PTPRT: variants seen among roughly 807,000 people sequenced by gnomAD.
PTPRT encodes the protein receptor-type tyrosine-protein phosphatase T.
A neutral mutation model predicts 176.8 loss-of-function variants in PTPRT; 56 were observed. The ratio of observed to expected loss-of-function variants is 0.32; its 90% confidence interval spans 0.26 to 0.40. The LOEUF (loss-of-function observed/expected upper bound fraction) is 0.40. Among genes scored for constraint, PTPRT ranks in the 10% least tolerant of loss-of-function variants. The probability of loss-of-function intolerance (pLI) is 1.00; values close to 1 mark genes in which losing one functional copy is unlikely to be tolerated. For missense variants in PTPRT, 1,540 were observed against 1,908.2 expected, an observed-to-expected ratio of 0.81 and a Z score of 3.60; for synonymous variants, 783 against 739.0, an observed-to-expected ratio of 1.06 and a Z score of -0.96.
intron 1 of PTPRT, among the ~76,000 whole-genome samples, chr20:43,183,551 T>C (rs1479816814): frequency 6.6e-6 from 1 of 152,224 alleles, no homozygotes; most frequent in Non-Finnish European, 1.5e-5. Flanking sequence ...ATTTCATCCA[T>C]CATCAGGGTA....
chr20:42,083,632 G>A (rs73119845), intron 29 of PTPRT, among the ~76,000 whole-genome samples: 3,864 of 152,206 alleles, frequency 0.025, 96 homozygotes, highest in Middle Eastern at 0.044. Flanking sequence ...AGAATAATTA[G>A]CTGGTTTTGA....
intron 27 of PTPRT, among the ~76,000 whole-genome samples, chr20:42,086,055 C>T (rs1600471607): frequency 6.6e-6 from 1 of 151,652 alleles, no homozygotes; most frequent in East Asian, 1.9e-4. Context: ...TCAAGTGATT[C>T]TCCTGCCTCA....
intron 16 of PTPRT, among the ~76,000 whole-genome samples, chr20:42,183,484 AG>A (rs1990606169): frequency 6.6e-6 from 1 of 152,356 alleles, no homozygotes; most frequent in Admixed American, 6.5e-5. Context: ...CAAAAGCTAT[AG>A]ATTTGTAAAA....
intron 7 of PTPRT, among the ~76,000 whole-genome samples, chr20:42,484,703 T>C (rs2071439181): frequency 6.6e-6 from 1 of 152,210 alleles, no homozygotes; most frequent in Non-Finnish European, 1.5e-5. Context: ...CAACACAGTT[T>C]GAAAACCAGG....
chr20:43,135,035 C>T lies in PTPRT; in HGVS notation c.88+54611G>A, dbSNP rs539203156. On this transcript the variant is annotated intron_variant, in intron 1 of 30. Coordinates refer to ENST00000373187, the MANE Select transcript of PTPRT (RefSeq NM_007050.6). Reference sequence around the variant, plus strand: ...ACTGTCTCCAGATAATATCAAATGTCCCCTGGGGAGGGAGTGCAAAACTGC... The same window carrying T: ...ACTGTCTCCAGATAATATCAAATGTTCCCTGGGGAGGGAGTGCAAAACTGC... 1.1e-4 allele frequency among the ~76,000 whole-genome samples: 17 copies of T among 152,300 alleles called. No individual in the cohort carries two copies. In the East Asian group the frequency reaches 3.3e-3, roughly 29 times the overall value.
chr20:42,540,523 G>A (rs1303297560), intron 7 of PTPRT, among the ~76,000 whole-genome samples: 1 of 152,190 alleles, frequency 6.6e-6, no homozygotes, highest in East Asian at 1.9e-4. Flanking sequence ...GGCACAGAGA[G>A]AGCACAACAC....
chr20:43,008,989 G>A (rs979837254), intron 1 of PTPRT, among the ~76,000 whole-genome samples: 2 of 152,132 alleles, frequency 1.3e-5, no homozygotes, highest in South Asian at 4.1e-4. Flanking sequence ...GCTTCCTTCT[G>A]GAAACATTCG....
At chr20:42,916,243 CT>C (rs1160615630) in intron 1 of PTPRT, among the ~76,000 whole-genome samples, 1 of 151,666 alleles carries the variant, frequency 6.6e-6, no homozygotes, top group African/African-American at 2.4e-5. Flanking sequence ...CGATAGTTTA[CT>C]GAGAATGATG....
intron 11 of PTPRT, among the ~76,000 whole-genome samples, chr20:42,327,158 G>A (rs1038621801): frequency 2.7e-5 from 4 of 150,410 alleles, no homozygotes; most frequent in East Asian, 2.0e-4. Flanking sequence ...AAAATTACAC[G>A]CAACATAAAT....
chr20:42,382,138 T>C lies in PTPRT; in HGVS notation c.1561-29853A>G, dbSNP rs144030209. On this transcript the variant is annotated intron_variant, in intron 9 of 30. Transcript: ENST00000373187. ...ACCCCATTTACATTAATTAGAAAGTTCCATATTAAGGAAAGCTTTTAATGG... is the reference window on the plus strand; with the variant it reads ...ACCCCATTTACATTAATTAGAAAGTCCCATATTAAGGAAAGCTTTTAATGG... Among the ~76,000 whole-genome samples the C allele has an allele frequency of 3.9e-3, 598 of 152,328 alleles. 6 individuals carry two copies. The highest frequency in any genetic ancestry group is 0.014 in the African/African-American group (566 of 41,570).
chr20:42,501,433 T>C (rs1185588838), intron 7 of PTPRT, among the ~76,000 whole-genome samples: 3 of 152,206 alleles, frequency 2.0e-5, no homozygotes, highest in African/African-American at 2.4e-5. Flanking sequence ...TGAAGATATA[T>C]ATGCATTTCT....
chr20:42,856,734 C>G (rs1196645958), intron 2 of PTPRT, among the ~76,000 whole-genome samples: 1 of 152,026 alleles, frequency 6.6e-6, no homozygotes, highest in African/African-American at 2.4e-5. Context: ...GGACCCTCAT[C>G]TAGTCATCGT....
chr20:42,775,007 G>T (rs541095890), intron 4 of PTPRT, among the ~76,000 whole-genome samples: 1 of 152,272 alleles, frequency 6.6e-6, no homozygotes, highest in East Asian at 1.9e-4. Context: ...CTCTGGGAGA[G>T]AACTTATATT....
rs1568650506 is a variant in PTPRT at position 42,182,906 on chromosome 20, G to GT, written c.2491+16333_2491+16334insA. On this transcript the variant is annotated intron_variant, in intron 16 of 30. Transcript: ENST00000373187. ...TAGTGACTGTTAATCCTACAAGCAGGGGTGTGTGTGTGTGTGTGTGTGTGT... is the reference window on the plus strand; with the variant it reads ...TAGTGACTGTTAATCCTACAAGCAGGTGGTGTGTGTGTGTGTGTGTGTGTGT... 8.4e-5 allele frequency among the ~76,000 whole-genome samples: 9 copies of GT among 107,432 alleles called. No individual in the cohort carries two copies. The South Asian group carries it at 1.3e-3, about 16-fold the overall frequency. 70.5% of individuals were successfully genotyped at this position (107,432 alleles called of 152,430 possible).
At chr20:43,019,979 G>A (rs1193371102) in intron 1 of PTPRT, among the ~76,000 whole-genome samples, 1 of 151,808 alleles carries the variant, frequency 6.6e-6, no homozygotes, top group Admixed American at 6.6e-5. Context: ...GCCTTCAGAC[G>A]TGGACCAATC....
intron 13 of PTPRT, among the ~76,000 whole-genome samples, chr20:42,257,650 C>CCTG (rs1555809821): frequency 1.1e-5 from 1 of 87,984 alleles, no homozygotes; most frequent in East Asian, 4.4e-4. Flanking sequence ...CCCACCCCCC[C>CCTG]CCCCCCGCCC....
intron 6 of PTPRT, among the ~76,000 whole-genome samples, chr20:42,734,359 G>A (rs2076506391): frequency 6.6e-6 from 1 of 152,140 alleles, no homozygotes. Context: ...TCACCAGCAG[G>A]AACCCAAGAG....
chr20:42,913,716 T>A (rs1408637774), intron 1 of PTPRT, among the ~76,000 whole-genome samples: 2 of 152,308 alleles, frequency 1.3e-5, no homozygotes, highest in Admixed American at 1.3e-4. Context: ...TCTATGCCAA[T>A]ATTTCTAATT....
chr20:42,080,626 C>T lies in PTPRT; in HGVS notation c.*253G>A. ...CAAGGCCTTGCTTGTGGGTGTACTT[C>T]TGCTTGGGCCCTTGGCTGTGGCTGG... On this transcript the variant is annotated 3_prime_UTR_variant, in exon 31 of 31. Transcript: ENST00000373187. 2.7e-6 allele frequency: 1 copy of T among 363,696 alleles called. No individual in the cohort carries two copies. The highest frequency in any genetic ancestry group is 5.1e-6 in the Non-Finnish European group (1 of 196,728). The allele number at this position is 363,696 out of a possible 1,614,324, so 22.5% of individuals were successfully genotyped here.
Sources: allele counts gnomAD v4.1 joint callset (sites outside exome capture counted in the v4.1 genomes callset), GRCh38; gene constraint gnomAD v4.1.1; transcripts MANE v1.5; gene names NCBI Gene and HGNC (gene_info 2026-07-23, HGNC 2026-07-21).